Variants in RBFOX1 observed in about 807,000 individuals in gnomAD.
RBFOX1 encodes the protein RNA binding fox-1 homolog 1, also known as RNA binding protein fox-1 homolog 1.
A neutral mutation model predicts 57.7 loss-of-function variants in RBFOX1; 8 were observed. The observed-to-expected ratio is 0.14, with a 90% CI of 0.08 to 0.25. The LOEUF is 0.25. RBFOX1 is among the 10% of genes least tolerant of loss of function. RBFOX1 has a pLI of 1.00. For missense variants in RBFOX1, 611 were observed against 548.5 expected, an observed-to-expected ratio of 1.11 and a Z score of -1.14; for synonymous variants, 326 against 222.4, an observed-to-expected ratio of 1.47 and a Z score of -4.15.
intron 2 of RBFOX1, among the ~76,000 whole-genome samples, chr16:6,431,898 TTTCTTTCTTTC>T (rs2094103479): frequency 2.1e-5 from 1 of 47,614 alleles, no homozygotes; most frequent in African/African-American, 7.4e-5. Flanking sequence ...GCTTGCTTGC[TTTCTTTCTTTC>T]TTTCTTTCTT....
intron 14 of RBFOX1, among the ~76,000 whole-genome samples, chr16:7,683,161 T>C (rs2075296390): frequency 6.8e-6 from 1 of 147,766 alleles, no homozygotes; most frequent in African/African-American, 2.5e-5. Flanking sequence ...GGCTCTGAAA[T>C]AGTGAGGAAG....
At chr16:6,947,107 A>G (rs1336732375) in intron 3 of RBFOX1, among the ~76,000 whole-genome samples, 1 of 152,144 alleles carries the variant, frequency 6.6e-6, no homozygotes, top group Non-Finnish European at 1.5e-5. Context: ...ATTTAATGGG[A>G]TAAGATCTGT....
chr16:5,728,751 C>T lies in RBFOX1; in HGVS notation c.318+129790C>T, dbSNP rs911229067. ...ATAAGATTTCTTCCAGGCACAGAGG[C>T]AGCTCCATGCAGAGTCCCTGATGAG... On this transcript the variant is annotated intron_variant, in intron 3 of 19. Transcript: ENST00000641259. Among the ~76,000 whole-genome samples the T allele has an allele frequency of 2.0e-5, 3 of 152,292 alleles. No homozygotes were observed. In the South Asian group the frequency reaches 6.2e-4, roughly 32 times the overall value.
chr16:6,264,526 C>T (rs1314697803), intron 1 of RBFOX1, among the ~76,000 whole-genome samples: 2 of 152,154 alleles, frequency 1.3e-5, no homozygotes, highest in African/African-American at 4.8e-5. Flanking sequence ...CATTGCTTAC[C>T]ATTCACCTCC....
chr16:6,443,755 C>G (rs1389698877), intron 2 of RBFOX1, among the ~76,000 whole-genome samples: 1 of 151,386 alleles, frequency 6.6e-6, no homozygotes, highest in African/African-American at 2.4e-5. Context: ...ATCTGTCCAT[C>G]TACCCATCTA....
chr16:6,509,932 C>T lies in RBFOX1; in HGVS notation c.-63-144671C>T, dbSNP rs552159369. 5.1e-4 allele frequency among the ~76,000 whole-genome samples: 78 copies of T among 152,256 alleles called. No individual in the cohort carries two copies. In the Middle Eastern group the frequency reaches 0.014, roughly 27 times the overall value. On this transcript the variant is annotated intron_variant, in intron 2 of 15. Coordinates refer to ENST00000550418, the MANE Select transcript of RBFOX1 (RefSeq NM_018723.4). ...TATCCCTGATAATGCAGGAGACGCT[C>T]CATAAGTGATGGGATGTTTACTCAA...
In RBFOX1 at chr16:7,019,981, T is replaced by C. The variant is rs997847910; in HGVS notation, c.-15-32076T>C. Among the ~76,000 whole-genome samples, 92 of 147,820 alleles carry C rather than the reference T, an allele frequency of 6.2e-4. 3 individuals carry two copies. The highest frequency in any genetic ancestry group is 2.1e-3 in the African/African-American group (84 of 40,624). On this transcript the variant is annotated intron_variant, in intron 3 of 15. Coordinates refer to ENST00000550418, the MANE Select transcript of RBFOX1 (RefSeq NM_018723.4). ...TATTCCCTTTCTTCTGGCTCTCTCT[T>C]TTTTTTTTTTTTCTCTGATGAAGTG...
intron 3 of RBFOX1, among the ~76,000 whole-genome samples, chr16:6,794,265 G>C (rs1319196656): frequency 2.4e-5 from 3 of 126,044 alleles, no homozygotes; most frequent in Non-Finnish European, 5.1e-5. Flanking sequence ...GTTGTGTGTT[G>C]TTTTCTTGTT....
intron 4 of RBFOX1, among the ~76,000 whole-genome samples, chr16:7,429,092 G>A (rs746657646): frequency 3.9e-5 from 6 of 152,196 alleles, no homozygotes; most frequent in Non-Finnish European, 8.8e-5. Context: ...GAGAGGACCC[G>A]ACTCCAGAGC....
chr16:7,129,417 T>C (rs544887734), intron 4 of RBFOX1, among the ~76,000 whole-genome samples: 14 of 152,134 alleles, frequency 9.2e-5, no homozygotes, highest in Non-Finnish European at 1.8e-4. Flanking sequence ...GGAAAGTTAT[T>C]TTCAGAAGAA....
At chr16:6,073,983 C>G (rs1343656416) in intron 1 of RBFOX1, among the ~76,000 whole-genome samples, 2 of 152,088 alleles carry the variant, frequency 1.3e-5, no homozygotes, top group Non-Finnish European at 2.9e-5. Flanking sequence ...GAGTCTCACT[C>G]TGTCGCCCAG....
At chr16:6,859,174 T>TACGTCTATATATACGTATATATATAC (rs778753196) in intron 3 of RBFOX1, among the ~76,000 whole-genome samples, 1 of 65,104 alleles carries the variant, frequency 1.5e-5, no homozygotes, top group African/African-American at 8.6e-5. Flanking sequence ...CGTATATATA[T>TACGTCTATATATACGTATATATATAC]GTATATATAT....
chr16:5,982,943 A>G (rs1344736778), intron 4 of RBFOX1, among the ~76,000 whole-genome samples: 3 of 152,180 alleles, frequency 2.0e-5, no homozygotes, highest in Admixed American at 6.5e-5. Flanking sequence ...GAATACCTGA[A>G]TTATAGTCCC....
At chr16:5,762,552 G>T (rs575061490) in intron 3 of RBFOX1, among the ~76,000 whole-genome samples, 1 of 152,272 alleles carries the variant, frequency 6.6e-6, no homozygotes, top group South Asian at 2.1e-4. Context: ...ATTCCACTTT[G>T]GGAAATTTCC....
intron 4 of RBFOX1, among the ~76,000 whole-genome samples, chr16:7,456,430 C>G (rs2058524897): frequency 6.6e-6 from 1 of 152,194 alleles, no homozygotes; most frequent in African/African-American, 2.4e-5. Flanking sequence ...AAAGTAAACA[C>G]TAAGTACTCA....
chr16:6,608,091 C>G (rs925938315), intron 2 of RBFOX1, among the ~76,000 whole-genome samples: 4 of 152,162 alleles, frequency 2.6e-5, no homozygotes, highest in African/African-American at 9.7e-5. Context: ...GAGACAATGT[C>G]TCATAGCACC....
intron 1 of RBFOX1, among the ~76,000 whole-genome samples, chr16:5,402,442 C>T (rs985934129): frequency 1.3e-5 from 2 of 152,196 alleles, no homozygotes; most frequent in Non-Finnish European, 2.9e-5. Flanking sequence ...TCACAACCTC[C>T]CCCATTTTCT....
At chr16:7,169,799 G>A (rs1440197845) in intron 4 of RBFOX1, among the ~76,000 whole-genome samples, 1 of 140,354 alleles carries the variant, frequency 7.1e-6, no homozygotes, top group Non-Finnish European at 1.5e-5. Context: ...GCAGGGTGCA[G>A]TGGCTCATGC....
At chr16:7,313,268 T>C (rs1215026930) in intron 4 of RBFOX1, among the ~76,000 whole-genome samples, 2 of 152,170 alleles carry the variant, frequency 1.3e-5, no homozygotes, top group Non-Finnish European at 2.9e-5. Flanking sequence ...GTTTGTTTGC[T>C]CTCTTTCTTT....
Sources: gnomAD v4.1 joint callset for allele counts (sites outside exome capture counted in the v4.1 genomes callset) on GRCh38, gnomAD v4.1.1 for gene constraint, MANE v1.5 for transcripts, NCBI Gene and HGNC (gene_info 2026-07-23, HGNC 2026-07-21) for gene names.